MAGI2: variants seen among roughly 807,000 people sequenced by gnomAD.
MAGI2 encodes membrane associated guanylate kinase, WW and PDZ domain containing 2.
Under a neutral mutation model 133.3 loss-of-function variants are expected in MAGI2, and 35 were observed. That is an observed-to-expected ratio of 0.26 (90% confidence interval 0.20 to 0.35). MAGI2 has a LOEUF of 0.35. Among genes scored for constraint, MAGI2 ranks in the 10% least tolerant of loss-of-function variants. MAGI2 has a pLI of 1.00. For missense variants in MAGI2, 1,636 were observed against 1,863.4 expected, an observed-to-expected ratio of 0.88 and a Z score of 2.25; for synonymous variants, 729 against 710.6, an observed-to-expected ratio of 1.03 and a Z score of -0.41.
In MAGI2 at chr7:78,474,726, A is replaced by C. The variant is rs1159375440; in HGVS notation, c.1045+15035T>G. ...AATGAAGACATAATCTTCTACCTGTAGAAGTTAATGAAAACTTCCCCACAT... is the reference window on the plus strand; with the variant it reads ...AATGAAGACATAATCTTCTACCTGTCGAAGTTAATGAAAACTTCCCCACAT... On this transcript the variant is annotated intron_variant, in intron 6 of 21. Coordinates refer to ENST00000354212, the MANE Select transcript of MAGI2 (RefSeq NM_012301.4). 2.6e-5 allele frequency among the ~76,000 whole-genome samples: 4 copies of C among 151,922 alleles called. No homozygotes were observed. In the East Asian group the frequency reaches 7.7e-4, roughly 29 times the overall value.
chr7:78,895,476 G>A (rs899136457), intron 2 of MAGI2, among the ~76,000 whole-genome samples: 1 of 151,816 alleles, frequency 6.6e-6, no homozygotes, highest in African/African-American at 2.4e-5. Context: ...TCAAACTAGG[G>A]CACATGTTAA....
intron 1 of MAGI2, among the ~76,000 whole-genome samples, chr7:79,338,479 C>T (rs554269065): frequency 3.9e-5 from 6 of 152,160 alleles, no homozygotes; most frequent in Admixed American, 6.6e-5. Flanking sequence ...TGTGTATTTC[C>T]GACCAGCAAG....
chr7:79,168,686 T>C (rs1185226206), intron 1 of MAGI2, among the ~76,000 whole-genome samples: 2 of 151,952 alleles, frequency 1.3e-5, no homozygotes, highest in African/African-American at 4.8e-5. Context: ...TTTTCACACA[T>C]TATTCTTCTA....
At chr7:79,349,124 AAC>A (rs1554453603) in intron 1 of MAGI2, among the ~76,000 whole-genome samples, 1 of 152,048 alleles carries the variant, frequency 6.6e-6, no homozygotes, top group Non-Finnish European at 1.5e-5. Context: ...TATAAAACGT[AAC>A]AGTGTGTTCA....
At chr7:79,288,536 A>G (rs1004501446) in intron 1 of MAGI2, among the ~76,000 whole-genome samples, 1 of 152,166 alleles carries the variant, frequency 6.6e-6, no homozygotes, top group East Asian at 1.9e-4. Flanking sequence ...ACCATTCTGC[A>G]TATGGATTTC....
chr7:78,615,369 A>C (rs38104), intron 3 of MAGI2: 103,468 of 152,088 alleles, frequency 0.68, 35,594 homozygotes, highest in Middle Eastern at 0.8. Context: ...GGTATAATAA[A>C]ACTTGTTTCA....
intron 1 of MAGI2, among the ~76,000 whole-genome samples, chr7:79,086,377 A>G (rs879584215): frequency 6.6e-6 from 1 of 151,868 alleles, no homozygotes; most frequent in Non-Finnish European, 1.5e-5. Flanking sequence ...CACAGTTACT[A>G]TAGTTGTGAA....
At chr7:78,626,770 C>T (rs1303273343) in intron 3 of MAGI2, among the ~76,000 whole-genome samples, 5 of 151,510 alleles carry the variant, frequency 3.3e-5, no homozygotes, top group Non-Finnish European at 4.4e-5. Flanking sequence ...GAGATAAAGA[C>T]GTTTTATCTG....
chr7:79,265,257 G>T (rs1429965340), intron 1 of MAGI2, among the ~76,000 whole-genome samples: 1 of 151,996 alleles, frequency 6.6e-6, no homozygotes, highest in Admixed American at 6.6e-5. Flanking sequence ...ACTTGCGGTG[G>T]GCCCTGAGTC....
chr7:79,385,374 T>C (rs1462401851), intron 1 of MAGI2, among the ~76,000 whole-genome samples: 1 of 151,904 alleles, frequency 6.6e-6, no homozygotes, highest in Admixed American at 6.6e-5. Flanking sequence ...TAAAATTGTT[T>C]TAAGATAACA....
intron 4 of MAGI2, among the ~76,000 whole-genome samples, chr7:78,510,374 T>C (rs1049256224): frequency 6.6e-6 from 1 of 152,184 alleles, no homozygotes. Flanking sequence ...ATCTATAAAG[T>C]GCTTAGAGTA....
intron 1 of MAGI2, among the ~76,000 whole-genome samples, chr7:79,268,170 A>G (rs1205929380): frequency 3.3e-5 from 5 of 152,176 alleles, no homozygotes; most frequent in Non-Finnish European, 7.3e-5. Flanking sequence ...TCCATTCTGC[A>G]GCTGCTTCTA....
intron 9 of MAGI2, among the ~76,000 whole-genome samples, chr7:78,341,954 A>T (rs1212752845): frequency 6.6e-6 from 1 of 152,234 alleles, no homozygotes; most frequent in African/African-American, 2.4e-5. Flanking sequence ...GCCCAAATTG[A>T]CAAATGGGAT....
rs1161010284 is a variant in MAGI2, at chr7:79,294,721, CTTTTTTTTTT to C, written c.301+158289_301+158298del. 4.5e-3 allele frequency among the ~76,000 whole-genome samples: 378 copies of C among 83,184 alleles called. 4 individuals carry two copies. The highest frequency in any genetic ancestry group is 0.017 in the African/African-American group (361 of 21,562). The allele number at this position is 83,184 out of a possible 152,430, so 54.6% of individuals were successfully genotyped here. A position where few individuals can be genotyped will look rare whatever the true frequency, so the allele number is the denominator to read the frequency against. Reference sequence around the variant, plus strand: ...GTACAATAAGATTATATTTTGGTAGCTTTTTTTTTTTTTTTTTTTTTTTTCTGAGACGGAA... The same window carrying C: ...GTACAATAAGATTATATTTTGGTAGCTTTTTTTTTTTTTTCTGAGACGGAA... On this transcript the variant is annotated intron_variant, in intron 1 of 21. Coordinates refer to ENST00000354212, the MANE Select transcript of MAGI2 (RefSeq NM_012301.4).
intron 2 of MAGI2, among the ~76,000 whole-genome samples, chr7:78,979,293 T>C (rs971020912): frequency 1.3e-5 from 2 of 151,744 alleles, no homozygotes; most frequent in Non-Finnish European, 2.9e-5. Context: ...GCAGGAATTA[T>C]ATAAGACGAG....
chr7:78,895,910 G>A (rs1253209447), intron 2 of MAGI2, among the ~76,000 whole-genome samples: 1 of 152,054 alleles, frequency 6.6e-6, no homozygotes. Flanking sequence ...ACGCATGATG[G>A]ATTATAAGTA....
At chr7:78,949,038 A>C (rs1801661906) in intron 2 of MAGI2, among the ~76,000 whole-genome samples, 1 of 152,136 alleles carries the variant, frequency 6.6e-6, no homozygotes, top group African/African-American at 2.4e-5. Context: ...AATATTTTAA[A>C]ATTATAGTGG....
chr7:78,963,730 TA>T (rs530430484), intron 2 of MAGI2, among the ~76,000 whole-genome samples: 6 of 150,788 alleles, frequency 4.0e-5, no homozygotes, highest in South Asian at 2.1e-4. Flanking sequence ...TTTTTTTCCT[TA>T]AAAAAAAAGT....
chr7:79,041,445 C>T (rs192562426), intron 1 of MAGI2, among the ~76,000 whole-genome samples: 3 of 152,068 alleles, frequency 2.0e-5, no homozygotes, highest in East Asian at 1.9e-4. Context: ...ATAGTTATAA[C>T]AAGAATCAGA....
Sources: gnomAD v4.1 joint callset for allele counts (sites outside exome capture counted in the v4.1 genomes callset) on GRCh38, gnomAD v4.1.1 for gene constraint, MANE v1.5 for transcripts, NCBI Gene and HGNC (gene_info 2026-07-23, HGNC 2026-07-21) for gene names.